The following AKT3 variants were observed in gnomAD, a reference collection of about 807,000 sequenced individuals.
AKT3 encodes the protein RAC-gamma serine/threonine-protein kinase.
AKT3 carries 15 observed loss-of-function variants against 65.3 expected under a neutral mutation model. The observed-to-expected ratio is 0.23, with a 90% CI of 0.15 to 0.35. AKT3 has a LOEUF of 0.35. Among genes scored for constraint, AKT3 ranks in the 10% least tolerant of loss-of-function variants. The probability of loss-of-function intolerance (pLI) is 1.00; values close to 1 mark genes in which losing one functional copy is unlikely to be tolerated. For missense variants in AKT3, 243 were observed against 576.5 expected, an observed-to-expected ratio of 0.42 and a Z score of 5.92; for synonymous variants, 206 against 183.8, an observed-to-expected ratio of 1.12 and a Z score of -0.98.
chr1:243,580,820 T>A (rs1475857039), intron 8 of AKT3, among the ~76,000 whole-genome samples: 1 of 151,952 alleles, frequency 6.6e-6, no homozygotes, highest in Non-Finnish European at 1.5e-5. Context: ...GCATCCAGAG[T>A]AACCATTTGC....
At chr1:243,733,859 C>T (rs1687690525) in intron 2 of AKT3, among the ~76,000 whole-genome samples, 1 of 152,182 alleles carries the variant, frequency 6.6e-6, no homozygotes, top group South Asian at 2.1e-4. Flanking sequence ...ACTTGCTCAA[C>T]AGAGTTGCCA....
At position 243,553,256 on chromosome 1, in the gene AKT3, T is replaced by G. The variant is rs188516815; in HGVS notation, c.949-313A>C. Among the ~76,000 whole-genome samples, 15 of 152,306 alleles carry G rather than the reference T, an allele frequency of 9.8e-5. No individual in the cohort carries two copies. In the East Asian group the frequency reaches 2.5e-3, roughly 25 times the overall value. ...ACGTTAGCTAGCATATTTACATATTTTTTCTTAGGCCTACTGACTTTTTCA... is the reference window on the plus strand; with the variant it reads ...ACGTTAGCTAGCATATTTACATATTGTTTCTTAGGCCTACTGACTTTTTCA... On this transcript the variant is annotated intron_variant, in intron 10 of 13. Coordinates refer to ENST00000673466, the MANE Select transcript of AKT3 (RefSeq NM_005465.7).
intron 10 of AKT3, among the ~76,000 whole-genome samples, chr1:243,562,991 A>C (rs1038055786): frequency 6.6e-6 from 1 of 152,134 alleles, no homozygotes; most frequent in Non-Finnish European, 1.5e-5. Flanking sequence ...CAGCCACACC[A>C]CACCCTTACA....
chr1:243,507,817 C>G (rs1344345416), intron 13 of AKT3, among the ~76,000 whole-genome samples: 3 of 152,100 alleles, frequency 2.0e-5, no homozygotes, highest in Admixed American at 1.3e-4. Flanking sequence ...TCAAAGAAAC[C>G]CTCTTTTTCT....
intron 2 of AKT3, among the ~76,000 whole-genome samples, chr1:243,722,345 A>G (rs1336756755): frequency 1.3e-5 from 2 of 152,236 alleles, no homozygotes; most frequent in Admixed American, 6.5e-5. Context: ...AATTTACTCT[A>G]TAATATAAAG....
chr1:243,649,016 A>C (rs1170630283), intron 4 of AKT3, among the ~76,000 whole-genome samples: 1 of 152,084 alleles, frequency 6.6e-6, no homozygotes, highest in African/African-American at 2.4e-5. Context: ...CTTCTTTTCA[A>C]ATACAGGTAT....
At chr1:243,850,921 C>T (rs1448845705), upstream of AKT3, 1 of 152,166 alleles carries the variant, frequency 6.6e-6, no homozygotes, top group African/African-American at 2.4e-5. Context: ...AGGCTCCTCG[C>T]CCAGCCGCTT....
chr1:243,563,905 A>G (rs2148488502), intron 9 of AKT3, 57 bp from the exon 10 acceptor site: 1 of 1,517,436 alleles, frequency 6.6e-7, no homozygotes, highest in East Asian at 2.3e-5. Context: ...ACATGAAAAT[A>G]CCATTTTAAA....
At chr1:243,734,726 T>G (rs116110314) in intron 2 of AKT3, among the ~76,000 whole-genome samples, 196 of 152,324 alleles carry the variant, frequency 1.3e-3, no homozygotes, top group African/African-American at 4.6e-3. Flanking sequence ...CAAAATATTT[T>G]TCTTTCTTCA....
chr1:243,710,286 T>C (rs577962543), intron 2 of AKT3, among the ~76,000 whole-genome samples: 6 of 152,172 alleles, frequency 3.9e-5, no homozygotes, highest in Non-Finnish European at 8.8e-5. Flanking sequence ...TTTCCACTTC[T>C]TTGGTACTGT....
In AKT3 at chr1:243,618,839, G is replaced by C. The variant is rs528451288; in HGVS notation, c.562-3678C>G. 5.6e-4 allele frequency among the ~76,000 whole-genome samples: 85 copies of C among 151,900 alleles called. 1 individual carries two copies. Among genetic ancestry groups the C allele is most frequent in the African/African-American group, 1.9e-3 (80 of 41,484 alleles). On this transcript the variant is annotated intron_variant, in intron 6 of 13. Transcript: ENST00000673466. ...TCATTTGACCCTCTCGATGTTTTGT[G>C]GTAATTAGGTTATTTGAGGGAATGA...
rs1396757003 is a variant in AKT3, at chr1:243,809,403, C to G, written c.46+33722G>C. Among the ~76,000 whole-genome samples the G allele has an allele frequency of 2.0e-5, 3 of 152,186 alleles. No individual in the cohort carries two copies. The East Asian group carries it at 5.8e-4, about 29-fold the overall frequency. Reference sequence around the variant, plus strand: ...CAATCCTAGTCTCTGATAAAACAGACTTTAAACCAATAAAGATCAAAAGAG... The same window carrying G: ...CAATCCTAGTCTCTGATAAAACAGAGTTTAAACCAATAAAGATCAAAAGAG... On this transcript the variant is annotated intron_variant, in intron 2 of 13. Transcript: ENST00000673466.
chr1:243,690,287 C>T (rs149598311), intron 3 of AKT3, among the ~76,000 whole-genome samples: 1 of 152,238 alleles, frequency 6.6e-6, no homozygotes, highest in Non-Finnish European at 1.5e-5. Context: ...CTAGTAAACT[C>T]AAGAGAGGTT....
At chr1:243,495,609 C>T (rs1667633226), downstream of AKT3, among the ~76,000 whole-genome samples, 1 of 152,226 alleles carries the variant, frequency 6.6e-6, no homozygotes, top group African/African-American at 2.4e-5. Flanking sequence ...GTGAGAACTT[C>T]AGTCGCTGTG....
In AKT3 at chr1:243,563,858, A is replaced by C. The variant is rs370193515; in HGVS notation, c.820-10T>G. ...GCATTAGATTCTCCAACTGTGTATTAAGAAAAATGACATAATTTGTTCTAT... is the reference window on the plus strand; with the variant it reads ...GCATTAGATTCTCCAACTGTGTATTCAGAAAAATGACATAATTTGTTCTAT... On this transcript the variant is annotated splice_polypyrimidine_tract_variant and intron_variant, in intron 9 of 13. Coordinates refer to ENST00000673466, the MANE Select transcript of AKT3 (RefSeq NM_005465.7). 1.1e-5 allele frequency: 18 copies of C among 1,599,150 alleles called. No homozygotes were observed. The African/African-American group carries it at 2.2e-4, about 19-fold the overall frequency.
At chr1:243,521,744 A>G (rs1339792126) in intron 12 of AKT3, among the ~76,000 whole-genome samples, 3 of 152,212 alleles carry the variant, frequency 2.0e-5, no homozygotes, top group Non-Finnish European at 4.4e-5. Flanking sequence ...TTTAACTATA[A>G]AAGACATTAA....
intron 10 of AKT3, among the ~76,000 whole-genome samples, chr1:243,553,882 T>C (rs1169215228): frequency 1.1e-4 from 16 of 152,198 alleles, no homozygotes; most frequent in Admixed American, 9.2e-4. Context: ...TAAAACTATA[T>C]TTGATAATCT....
At chr1:243,535,643 T>C (rs1195799828) in intron 12 of AKT3, among the ~76,000 whole-genome samples, 1 of 152,328 alleles carries the variant, frequency 6.6e-6, no homozygotes, top group East Asian at 1.9e-4. Flanking sequence ...AGGACTTAGG[T>C]TGATTCCCTA....
At chr1:243,602,573 T>C (rs947652465) in intron 8 of AKT3, among the ~76,000 whole-genome samples, 16 of 152,206 alleles carry the variant, frequency 1.1e-4, no homozygotes, top group African/African-American at 3.4e-4. Context: ...TTTTGTCTTA[T>C]GTGAATTTAA....
Sources: gnomAD v4.1 joint callset for allele counts (sites outside exome capture counted in the v4.1 genomes callset) on GRCh38, gnomAD v4.1.1 for gene constraint, MANE v1.5 for transcripts, NCBI Gene and HGNC (gene_info 2026-07-23, HGNC 2026-07-21) for gene names.